The following SOX10 variants were observed in gnomAD, a reference collection of about 807,000 sequenced individuals.
The protein encoded by SOX10 is transcription factor SOX-10.
SOX10 carries 3 observed loss-of-function variants against 35.0 expected under a neutral mutation model. That is an observed-to-expected ratio of 0.09 (90% CI 0.04 to 0.22). The LOEUF (loss-of-function observed/expected upper bound fraction) is 0.22. SOX10 is among the 10% of genes least tolerant of loss of function. The pLI, the probability that SOX10 is intolerant of heterozygous loss-of-function variation, is 1.00. For synonymous variants in SOX10, 285 were observed against 291.0 expected, an observed-to-expected ratio of 0.98 and a Z score of 0.21; for missense variants, 436 against 655.1, an observed-to-expected ratio of 0.67 and a Z score of 3.65.
At position 37,984,407 on chromosome 22, in the gene SOX10, G is replaced by C. The variant is rs1018917717; in HGVS notation, c.-153C>G. On this transcript the variant is annotated 5_prime_UTR_variant, in exon 1 of 4. Coordinates refer to ENST00000396884, the MANE Select transcript of SOX10 (RefSeq NM_006941.4). This position sits in a 1 kb window ranked among gnomAD's most constrained non-coding sequence, Gnocchi z 4.4. ...TGGAAAACCGTGTCCCAAGGTGTGCGGTCCAGCTCGGGGCTGGGAGGTGAC... is the reference window on the plus strand; with the variant it reads ...TGGAAAACCGTGTCCCAAGGTGTGCCGTCCAGCTCGGGGCTGGGAGGTGAC... 6.6e-6 allele frequency: 1 copy of C among 152,364 alleles called. No individual in the cohort carries two copies. The highest frequency in any genetic ancestry group is 2.4e-5 in the African/African-American group (1 of 41,286). The allele number at this position is 152,364 out of a possible 1,614,324, so 9.4% of individuals were successfully genotyped here. A position where few individuals can be genotyped will look rare whatever the true frequency, so the allele number is the denominator to read the frequency against.
At chr22:37,975,039 C>T (rs1369211102) in intron 3 of SOX10, among the ~76,000 whole-genome samples, 1 of 152,192 alleles carries the variant, frequency 6.6e-6, no homozygotes, top group African/African-American at 2.4e-5. Flanking sequence ...ATACGCTGGC[C>T]TGTGTTGCCC....
At position 37,983,721 on chromosome 22, in the gene SOX10, A is replaced by T; in HGVS notation, c.64T>A (p.Cys22Ser). ...LSPVGSEEPR[C>S]LSPGSAPSLG... is the part of the protein sequence containing the mutation. The stretch of plus-strand genomic sequence containing the variant: ...GAGGGCGCGCTCCCCGGGGACAGGC[A>T]GCGGGGCTCCTCCGAGCCCACGGGG... The change falls in exon 2 of 4, where the codon TGC becomes AGC. Residue 22 changes from cysteine to serine, a missense_variant. By Grantham distance (112) the Cys-to-Ser change is moderately radical (BLOSUM62 -1). Coordinates refer to ENST00000396884, the MANE Select transcript of SOX10 (RefSeq NM_006941.4). This position sits in a 1 kb window ranked among gnomAD's most constrained non-coding sequence, Gnocchi z 9.5. The T allele has an allele frequency of 6.7e-7, 1 of 1,493,842 alleles. No homozygotes were observed. The highest frequency in any genetic ancestry group is 8.8e-7 in the Non-Finnish European group (1 of 1,130,034). The allele number at this position is 1,493,842 out of a possible 1,614,324, so 92.5% of individuals were successfully genotyped here.
Position 37,978,810 on chromosome 22 carries a change from T to A in SOX10, c.429-675A>T, listed in dbSNP as rs1176946129. ...TTTTTTTTCTGTGAGGGAATCTCAC[T>A]CTGTCACCCATGCTAGAGCTCAGTG... On this transcript the variant is annotated intron_variant, in intron 2 of 3. Coordinates refer to ENST00000396884, the MANE Select transcript of SOX10 (RefSeq NM_006941.4). The surrounding 1 kb of genome is among the most constrained non-coding windows in gnomAD (Gnocchi z 5.0). Among the ~76,000 whole-genome samples, 2 of 152,076 alleles carry A rather than the reference T, an allele frequency of 1.3e-5. No homozygotes were observed. The highest frequency in any genetic ancestry group is 2.9e-5 in the Non-Finnish European group (2 of 68,004).
At position 37,980,640 on chromosome 22, in the gene SOX10, TTA is replaced by T; in HGVS notation, c.429-2507_429-2506del. ...CTCCAGCACCAGTCCCCACTCAACA[TTA>T]CCAGCCCCAAACCCCCAACTTCGCC... On this transcript the variant is annotated intron_variant, in intron 2 of 3. Coordinates refer to ENST00000396884, the MANE Select transcript of SOX10 (RefSeq NM_006941.4). This position sits in a 1 kb window ranked among gnomAD's most constrained non-coding sequence, Gnocchi z 4.1. Among the ~76,000 whole-genome samples the T allele has an allele frequency of 6.6e-6, 1 of 152,192 alleles. No individual in the cohort carries two copies. The highest frequency in any genetic ancestry group is 1.9e-4 in the East Asian group (1 of 5,158).
chr22:37,978,263 A>G lies in SOX10; in HGVS notation c.429-128T>C. 1 of 1,020,996 alleles carries G rather than the reference A, an allele frequency of 9.8e-7. No homozygotes were observed. Among genetic ancestry groups the G allele is most frequent in the East Asian group, 2.6e-5 (1 of 37,812 alleles). 63.2% of individuals were successfully genotyped at this position (1,020,996 alleles called of 1,614,324 possible). ...GGCCCTGGGATGGGGCACCCAGAGG[A>G]CAGGACCCGGGGTGGGGGCTGTGCC... On this transcript the variant is annotated intron_variant, in intron 2 of 3. Transcript: ENST00000396884. The surrounding 1 kb of genome is among the most constrained non-coding windows in gnomAD (Gnocchi z 5.0).
rs923878528 is a variant in SOX10 at position 37,980,876 on chromosome 22, G to C, written c.428+2481C>G. Among the ~76,000 whole-genome samples, 6 of 152,222 alleles carry C rather than the reference G, an allele frequency of 3.9e-5. No individual in the cohort carries two copies. Among genetic ancestry groups the C allele is most frequent in the African/African-American group, 1.4e-4 (6 of 41,450 alleles). On this transcript the variant is annotated intron_variant, in intron 2 of 3. Transcript: ENST00000396884. The surrounding 1 kb of genome is among the most constrained non-coding windows in gnomAD (Gnocchi z 4.1). Reference sequence around the variant, plus strand: ...CAGGGGCATAAGAAGACTACTTGGGGAAGGGGCCTGTGGCACTGGGAACAG... The same window carrying C: ...CAGGGGCATAAGAAGACTACTTGGGCAAGGGGCCTGTGGCACTGGGAACAG...
At position 37,980,795 on chromosome 22, in the gene SOX10, A is replaced by C. The variant is rs1932373135; in HGVS notation, c.428+2562T>G. ...ATTCCTCACCCAAACTGGAAACCCC[A>C]ACCGGGGACCTCCCACAGTGGGGCA... On this transcript the variant is annotated intron_variant, in intron 2 of 3. Transcript: ENST00000396884. This position sits in a 1 kb window ranked among gnomAD's most constrained non-coding sequence, Gnocchi z 4.1. 6.6e-6 allele frequency among the ~76,000 whole-genome samples: 1 copy of C among 152,190 alleles called. No homozygotes were observed. Among genetic ancestry groups the C allele is most frequent in the African/African-American group, 2.4e-5 (1 of 41,446 alleles).
Position 37,983,914 on chromosome 22 carries a change from G to A in SOX10, c.-84-46C>T. The A allele has an allele frequency of 1.4e-6, 1 of 737,812 alleles. No homozygotes were observed. Among genetic ancestry groups the A allele is most frequent in the Non-Finnish European group, 1.9e-6 (1 of 537,396 alleles). The allele number at this position is 737,812 out of a possible 1,614,324, so 45.7% of individuals were successfully genotyped here. Reference sequence around the variant, plus strand: ...ATGGAGCGGCCGCGCGCGCAGCCCCGAGGGCGGCCCGAGACAGGACGTGGG... The same window carrying A: ...ATGGAGCGGCCGCGCGCGCAGCCCCAAGGGCGGCCCGAGACAGGACGTGGG... On this transcript the variant is annotated intron_variant, in intron 1 of 3. Transcript: ENST00000396884. The surrounding 1 kb of genome is among the most constrained non-coding windows in gnomAD (Gnocchi z 9.5).
chr22:37,974,691 G>C lies in SOX10; in HGVS notation c.698-493C>G, dbSNP rs1332490172. On this transcript the variant is annotated intron_variant, in intron 3 of 3. Transcript: ENST00000396884. The surrounding 1 kb of genome is among the most constrained non-coding windows in gnomAD (Gnocchi z 5.4). ...TACTGGTGTCTTAGATTGATCTCTAGTTGTTTATGAAATTCTCAAATCTTA... is the reference window on the plus strand; with the variant it reads ...TACTGGTGTCTTAGATTGATCTCTACTTGTTTATGAAATTCTCAAATCTTA... Among the ~76,000 whole-genome samples the C allele has an allele frequency of 6.6e-6, 1 of 152,156 alleles. No homozygotes were observed. The highest frequency in any genetic ancestry group is 1.5e-5 in the Non-Finnish European group (1 of 68,024).
intron 2 of SOX10, among the ~76,000 whole-genome samples, chr22:37,979,469 C>G (rs1292555585): frequency 1.3e-5 from 2 of 151,968 alleles, no homozygotes; most frequent in African/African-American, 4.8e-5. Flanking sequence ...ACTCTTAACT[C>G]TGGGTCCTGA....
chr22:37,973,586 G>A lies in SOX10; in HGVS notation c.1310C>T (p.Thr437Met), dbSNP rs753998628. The change falls in exon 4 of 4, where the codon ACG becomes ATG. Residue 437 changes from threonine to methionine, a missense_variant. By Grantham distance (81) the Thr-to-Met change is moderately conservative. This residue lies in a region of SOX10 where 285 missense variants were observed against 402.9 expected (regional missense o/e 0.71). Transcript: ENST00000396884. ...YMGPSQRPLYTAISDPSPSGP... is the reference protein window; with the variant it reads ...YMGPSQRPLYMAISDPSPSGP... Reference sequence around the variant, plus strand: ...TGAGGGGCTGGGGTCAGAGATGGCCGTGTAGAGGGGCCGCTGCGAGGGCCC... The same window carrying A: ...TGAGGGGCTGGGGTCAGAGATGGCCATGTAGAGGGGCCGCTGCGAGGGCCC... The A allele has an allele frequency of 4.3e-6, 7 of 1,612,840 alleles. No individual in the cohort carries two copies. Among genetic ancestry groups the A allele is most frequent in the African/African-American group, 2.7e-5 (2 of 74,920 alleles).
At position 37,973,828 on chromosome 22, in the gene SOX10, C is replaced by T. The variant is rs1222665101; in HGVS notation, c.1068G>A (p.Val356=). The T allele has an allele frequency of 6.2e-7, 1 of 1,605,166 alleles. No homozygotes were observed. Among genetic ancestry groups the T allele is most frequent in the South Asian group, 1.1e-5 (1 of 90,906 alleles). ...CCTGGGGCCCCGCGGTCTCTGTCTT[C>T]ACCTGGGCTTTGGCATCCACACCAG... ...SPPGVDAKAQ[V]KTETAGPQGP... The change falls in exon 4 of 4, where the codon GTG becomes GTA. Residue 356 remains valine (V), a synonymous_variant. Transcript: ENST00000396884.
intron 3 of SOX10, among the ~76,000 whole-genome samples, chr22:37,976,387 C>T (rs900478910): frequency 1.3e-5 from 2 of 152,176 alleles, no homozygotes; most frequent in Non-Finnish European, 2.9e-5. Context: ...TTAATTCACT[C>T]GTTTTCATCC....
chr22:37,973,298 G>A lies in SOX10; in HGVS notation c.*197C>T, dbSNP rs1440678594. ...CTCCTCTGTCCAGCCTGTTCTCCTGGGGCTTTGCTGCTGGAGCCTGGATGG... is the reference window on the plus strand; with the variant it reads ...CTCCTCTGTCCAGCCTGTTCTCCTGAGGCTTTGCTGCTGGAGCCTGGATGG... On this transcript the variant is annotated 3_prime_UTR_variant, in exon 4 of 4. Transcript: ENST00000396884. 2 of 564,972 alleles carry A rather than the reference G, an allele frequency of 3.5e-6. No individual in the cohort carries two copies. Among genetic ancestry groups the A allele is most frequent in the Non-Finnish European group, 6.3e-6 (2 of 317,814 alleles). 35.0% of individuals were successfully genotyped at this position (564,972 alleles called of 1,614,324 possible). A position where few individuals can be genotyped will look rare whatever the true frequency, so the allele number is the denominator to read the frequency against.
chr22:37,976,762 A>G (rs1335812938), intron 3 of SOX10, among the ~76,000 whole-genome samples: 1 of 152,374 alleles, frequency 6.6e-6, no homozygotes, highest in East Asian at 1.9e-4. Flanking sequence ...ACATAAGGCA[A>G]CTAGCACCTA....
chr22:37,983,511 C>T lies in SOX10; in HGVS notation c.274G>A (p.Val92Met), dbSNP rs142113652. The T allele has an allele frequency of 1.9e-6, 3 of 1,610,164 alleles. No individual in the cohort carries two copies. Among genetic ancestry groups the T allele is most frequent in the African/African-American group, 2.7e-5 (2 of 74,888 alleles). Reference sequence around the variant, plus strand: ...CTTTTGCTGGCGCCGTTGACGCGCACGGGCATGGGCACCAGCGTCCAGTCG... The same window carrying T: ...CTTTTGCTGGCGCCGTTGACGCGCATGGGCATGGGCACCAGCGTCCAGTCG... ...GYDWTLVPMP[V>M]RVNGASKSKP... is the part of the protein sequence containing the mutation. Residue 92 changes from valine (V) to methionine (M), a missense_variant, in exon 2 of 4, where the codon GTG becomes ATG. This residue lies in a region of SOX10 where 54 missense variants were observed against 156.7 expected (regional missense o/e 0.34). Transcript: ENST00000396884. The surrounding 1 kb of genome is among the most constrained non-coding windows in gnomAD (Gnocchi z 9.5).
At chr22:37,977,164 T>G (rs1244733637) in intron 3 of SOX10, among the ~76,000 whole-genome samples, 1 of 144,304 alleles carries the variant, frequency 6.9e-6, no homozygotes, top group Admixed American at 6.9e-5. Context: ...TGAGACTCTG[T>G]CTCCAGAAAA....
intron 2 of SOX10, among the ~76,000 whole-genome samples, chr22:37,979,912 C>T (rs1190988385): frequency 6.6e-6 from 1 of 152,066 alleles, no homozygotes; most frequent in Admixed American, 6.5e-5. Context: ...CCACCCCTCA[C>T]ACCCCAGTGA....
rs1328121768 is a variant in SOX10, at chr22:37,973,206, G to A, written c.*289C>T. 2 of 394,304 alleles carry A rather than the reference G, an allele frequency of 5.1e-6. No homozygotes were observed. Among genetic ancestry groups the A allele is most frequent in the Non-Finnish European group, 9.1e-6 (2 of 219,282 alleles). 24.4% of individuals were successfully genotyped at this position (394,304 alleles called of 1,614,324 possible). A position where few individuals can be genotyped will look rare whatever the true frequency, so the allele number is the denominator to read the frequency against. ...CAGGCCCTTCTCAGGTCCTGGGATA[G>A]AGGGTCATTCCTGGGGGAAGGTGCA... On this transcript the variant is annotated 3_prime_UTR_variant, in exon 4 of 4. Transcript: ENST00000396884.
Sources: gnomAD v4.1 joint callset for allele counts (sites outside exome capture counted in the v4.1 genomes callset) on GRCh38, gnomAD v4.1.1 for gene constraint, gnomAD v4.1.1 regional missense constraint, Gnocchi (gnomAD v3.1) non-coding constraint, MANE v1.5 for transcripts, NCBI Gene and HGNC (gene_info 2026-07-23, HGNC 2026-07-21) for gene names.